The following ATP11C variants were observed in gnomAD, a reference collection of about 807,000 sequenced individuals.
The protein encoded by ATP11C is phospholipid-transporting ATPase IG.
In ATP11C, 36 loss-of-function variants were observed where a neutral mutation model predicts 97.4. The ratio of observed to expected loss-of-function variants is 0.37; its 90% CI spans 0.28 to 0.49. The LOEUF (loss-of-function observed/expected upper bound fraction) is 0.49. Among genes scored for constraint, ATP11C ranks in the 20% least tolerant of loss-of-function variants. The pLI, the probability that ATP11C is intolerant of heterozygous loss-of-function variation, is 0.98. For missense variants in ATP11C, 730 were observed against 824.6 expected (o/e 0.89, Z 1.40); for synonymous variants, 275 against 290.9 (o/e 0.95, Z 0.56).
At position 139,816,993 on chromosome X, in the gene ATP11C, TCATATGCAGCACTTA is replaced by T. The variant is rs754011548; in HGVS notation, c.238-65_238-51del. 149 of 832,197 alleles carry T rather than the reference TCATATGCAGCACTTA, an allele frequency of 1.8e-4. No homozygotes were observed. In the African/African-American group the frequency reaches 2.7e-3, roughly 15 times the overall value. 68.6% of individuals were successfully genotyped at this position (832,197 alleles called of 1,213,427 possible). A position where few individuals can be genotyped will look rare whatever the true frequency, so the allele number is the denominator to read the frequency against. ...AGTAAAATGAAAATTTGTCATTAAC[TCATATGCAGCACTTA>T]CATGCTGCAAACATTTCAAACAGAA... is the stretch of plus-strand genomic sequence containing the variant. On this transcript the variant is annotated intron_variant, in intron 3 of 29. Transcript: ENST00000682941.
At chrX:139,766,500 T>C (rs1474137254) in intron 20 of ATP11C, among the ~76,000 whole-genome samples, 1 of 111,534 alleles carries the variant, frequency 9.0e-6, no homozygotes, top group African/African-American at 3.3e-5. Context: ...TTTACAAGAT[T>C]GAAGAAAAGA....
At chrX:139,809,473 CAT>C in intron 5 of ATP11C, among the ~76,000 whole-genome samples, 1 of 111,614 alleles carries the variant, frequency 9.0e-6, no homozygotes, top group Non-Finnish European at 1.9e-5. Context: ...TAGGGAAATT[CAT>C]AGAGACAAAA....
At chrX:139,740,608 C>T (rs1377352141) in intron 27 of ATP11C, among the ~76,000 whole-genome samples, 2 of 111,686 alleles carry the variant, frequency 1.8e-5, no homozygotes, top group African/African-American at 3.3e-5. Context: ...AAATAAGGGT[C>T]CAAATGGACA....
chrX:139,913,334 A>ATTCTAGAGCATAG (rs1235986533), intron 1 of ATP11C, among the ~76,000 whole-genome samples: 1 of 111,730 alleles, frequency 9.0e-6, no homozygotes, highest in Non-Finnish European at 1.9e-5. Flanking sequence ...AGTTTAATTA[A>ATTCTAGAGCATAG]TTCTAGAGCA....
At chrX:139,843,650 A>G (rs1246727156) in intron 1 of ATP11C, among the ~76,000 whole-genome samples, 2 of 111,771 alleles carry the variant, frequency 1.8e-5, no homozygotes, top group Non-Finnish European at 3.8e-5. Context: ...TATGTGTATC[A>G]GTTCTACAGC....
At chrX:139,860,104 C>CAAAAAA (rs1245214221) in intron 1 of ATP11C, among the ~76,000 whole-genome samples, 21 of 20,081 alleles carry the variant, frequency 1.0e-3, no homozygotes, top group African/African-American at 3.5e-3. Context: ...GACTCCGTCT[C>CAAAAAA]AAAAAAAAAA....
At chrX:139,751,418 C>T (rs2081812752) in intron 23 of ATP11C, among the ~76,000 whole-genome samples, 1 of 112,374 alleles carries the variant, frequency 8.9e-6, no homozygotes, top group African/African-American at 3.2e-5. Flanking sequence ...AAGATTTAAG[C>T]TCAGCAAAGA....
intron 11 of ATP11C, 83 bp from the exon 12 acceptor site, chrX:139,796,553 C>T (rs1603372383): frequency 3.1e-6 from 2 of 651,783 alleles, no homozygotes; most frequent in African/African-American, 2.2e-5. Flanking sequence ...TTAATTTCAT[C>T]TTTATTTCAA....
At chrX:139,906,466 C>T (rs1176733632) in intron 1 of ATP11C, among the ~76,000 whole-genome samples, 1 of 108,536 alleles carries the variant, frequency 9.2e-6, no homozygotes, top group Admixed American at 9.9e-5. Flanking sequence ...TACCTCAGTC[C>T]AGGTCCTAGC....
chrX:139,791,724 C>G (rs1462501471), intron 12 of ATP11C, among the ~76,000 whole-genome samples: 2 of 110,559 alleles, frequency 1.8e-5, no homozygotes, highest in Admixed American at 1.9e-4. Context: ...AGGAGTAGAT[C>G]GACTGTAATT....
chrX:139,757,870 G>GAA lies in ATP11C; in HGVS notation c.2641-5_2641-4dup, dbSNP rs752741769. 32 of 977,334 alleles carry GAA rather than the reference G, an allele frequency of 3.3e-5. No individual in the cohort carries two copies. Among genetic ancestry groups the GAA allele is most frequent in the Non-Finnish European group, 4.0e-5 (29 of 729,867 alleles). The allele number at this position is 977,334 out of a possible 1,213,427, so 80.5% of individuals were successfully genotyped here. Reference sequence around the variant, plus strand: ...TGTGGCAAAATGAAACAAAGGTTCTGAAAAAAAAAAATTAAGACAAGGATT... The same window carrying GAA: ...TGTGGCAAAATGAAACAAAGGTTCTGAAAAAAAAAAAAATTAAGACAAGGATT... On this transcript the variant is annotated splice_region_variant and splice_polypyrimidine_tract_variant and intron_variant, in intron 22 of 29. Coordinates refer to ENST00000682941, the MANE Select transcript of ATP11C (RefSeq NM_001353812.2).
chrX:139,783,931 G>T (rs1004722038), intron 16 of ATP11C, among the ~76,000 whole-genome samples: 2 of 110,558 alleles, frequency 1.8e-5, no homozygotes, highest in African/African-American at 6.6e-5. Context: ...CAGATGTCAA[G>T]AAGAAAGCTC....
At chrX:139,908,001 T>C (rs1020706007) in intron 1 of ATP11C, among the ~76,000 whole-genome samples, 1 of 111,126 alleles carries the variant, frequency 9.0e-6, no homozygotes, top group Non-Finnish European at 1.9e-5. Flanking sequence ...GGATACTCAA[T>C]AAATATGTGT....
At chrX:139,892,160 T>C (rs1344168675) in intron 1 of ATP11C, among the ~76,000 whole-genome samples, 1 of 111,300 alleles carries the variant, frequency 9.0e-6, no homozygotes, top group Non-Finnish European at 1.9e-5. Context: ...CCCGGCCTAG[T>C]AATAGATTTT....
At chrX:139,782,801 A>T in intron 17 of ATP11C, 73 bp from the exon 18 acceptor site, 1 of 790,995 alleles carries the variant, frequency 1.3e-6, no homozygotes, top group Admixed American at 3.4e-5. Flanking sequence ...CTCTGTAAAT[A>T]CTCTTGCTTT....
At chrX:139,729,815 T>C (rs961428884) in intron 29 of ATP11C, among the ~76,000 whole-genome samples, 1 of 112,137 alleles carries the variant, frequency 8.9e-6, no homozygotes, top group Admixed American at 9.4e-5. Context: ...TGGAAGGTCT[T>C]AAGTAGTATG....
chrX:139,925,455 T>TTGTAGCCCAGTCTGAAATGTATAA (rs2085336531), intron 1 of ATP11C, among the ~76,000 whole-genome samples: 1 of 100,190 alleles, frequency 1.0e-5, no homozygotes, highest in Admixed American at 1.1e-4. Flanking sequence ...CTGGCTAATT[T>TTGTAGCCCAGTCTGAAATGTATAA]TGTAGCCCAG....
intron 2 of ATP11C, among the ~76,000 whole-genome samples, chrX:139,822,060 G>A (rs1204833819): frequency 2.7e-5 from 3 of 109,853 alleles, no homozygotes; most frequent in Non-Finnish European, 5.8e-5. Flanking sequence ...CAAAAACAAT[G>A]TTATCTCAAG....
chrX:139,866,393 T>C (rs1466421471), intron 1 of ATP11C, among the ~76,000 whole-genome samples: 27 of 94,263 alleles, frequency 2.9e-4, no homozygotes, highest in Middle Eastern at 6.9e-3. Flanking sequence ...CACAGAGAAA[T>C]TATGTGACCT....
Sources: allele counts gnomAD v4.1 joint callset (sites outside exome capture counted in the v4.1 genomes callset), GRCh38; gene constraint gnomAD v4.1.1; transcripts MANE v1.5; gene names NCBI Gene and HGNC (gene_info 2026-07-23, HGNC 2026-07-21).